RAB3IP: variants seen among roughly 807,000 people sequenced by gnomAD.
RAB3IP encodes rab-3A-interacting protein.
In RAB3IP, 36 loss-of-function variants were observed where a neutral mutation model predicts 59.1. The ratio of observed to expected loss-of-function variants is 0.61; its 90% CI spans 0.47 to 0.80. The LOEUF (loss-of-function observed/expected upper bound fraction) is 0.80, where lower values mean the gene tolerates loss of function less well. Among genes scored for constraint, RAB3IP ranks in the 30% least tolerant of loss-of-function variants. The pLI is 0.00. For synonymous variants in RAB3IP, 207 were observed against 191.2 expected, an observed-to-expected ratio of 1.08 and a Z score of -0.68; for missense variants, 511 against 536.0, an observed-to-expected ratio of 0.95 and a Z score of 0.46.
intron 1 of RAB3IP, among the ~76,000 whole-genome samples, chr12:69,750,170 T>C (rs1321582670): frequency 1.3e-5 from 2 of 152,178 alleles, no homozygotes; most frequent in Non-Finnish European, 2.9e-5. Flanking sequence ...ATAGATGCGC[T>C]ATGCTTAATA....
intron 3 of RAB3IP, among the ~76,000 whole-genome samples, chr12:69,761,872 CTG>C (rs771228076): frequency 1.3e-4 from 20 of 152,158 alleles, no homozygotes; most frequent in Admixed American, 9.2e-4. Flanking sequence ...AGGCAGTTCT[CTG>C]TGAAATAATT....
At chr12:69,740,010 C>T (rs1887149569) in intron 1 of RAB3IP, 6 of 738,884 alleles carry the variant, frequency 8.1e-6, no homozygotes, top group Non-Finnish European at 1.4e-5. Context: ...CGTTCAGTGT[C>T]GGGTTAAAAG....
Position 69,800,288 on chromosome 12 carries a change from A to C in RAB3IP, c.968A>C (p.Lys323Thr). The C allele has an allele frequency of 6.3e-7, 1 of 1,597,742 alleles. No homozygotes were observed. Among genetic ancestry groups the C allele is most frequent in the East Asian group, 2.3e-5 (1 of 44,246 alleles). ...TMDRTCPFLD[K>T]IYQEDIFPCL... Reference sequence around the variant, plus strand: ...GACAGGACGTGTCCTTTCTTAGACAAAATCTACCAGGAAGATATCTTTCCA... The same window carrying C: ...GACAGGACGTGTCCTTTCTTAGACACAATCTACCAGGAAGATATCTTTCCA... Residue 323 changes from lysine to threonine, a missense_variant, in exon 7 of 11, where the codon AAA becomes ACA. Physicochemically the swap from Lys to Thr is moderately conservative, Grantham distance 78. Transcript: ENST00000247833.
chr12:69,805,496 C>T (rs984306249), intron 8 of RAB3IP, among the ~76,000 whole-genome samples: 3 of 152,102 alleles, frequency 2.0e-5, no homozygotes, highest in Non-Finnish European at 4.4e-5. Flanking sequence ...ATTCCCTTCT[C>T]CTGCCTGATT....
At chr12:69,751,691 G>T (rs55967505) in intron 1 of RAB3IP, among the ~76,000 whole-genome samples, 35 of 152,060 alleles carry the variant, frequency 2.3e-4, no homozygotes, top group African/African-American at 8.0e-4. Context: ...AAAATAGGTT[G>T]TGACTTTTTT....
chr12:69,756,676 A>T lies in RAB3IP; in HGVS notation c.510+13A>T, dbSNP rs776843108. On this transcript the variant is annotated intron_variant, in intron 3 of 10. Coordinates refer to ENST00000247833, the MANE Select transcript of RAB3IP (RefSeq NM_022456.5). ...AAAAGCTCAGAGGGTAAGAAAGAAGATATTTTATTCTTCCATATATTATAT... is the reference window on the plus strand; with the variant it reads ...AAAAGCTCAGAGGGTAAGAAAGAAGTTATTTTATTCTTCCATATATTATAT... 4.4e-6 allele frequency: 7 copies of T among 1,602,158 alleles called. No homozygotes were observed. The highest frequency in any genetic ancestry group is 1.1e-5 in the South Asian group (1 of 89,420).
At chr12:69,780,621 G>T (rs1799939997) in intron 3 of RAB3IP, among the ~76,000 whole-genome samples, 1 of 152,202 alleles carries the variant, frequency 6.6e-6, no homozygotes, top group Non-Finnish European at 1.5e-5. Flanking sequence ...TCATTCCTGG[G>T]TTGTGGGATA....
chr12:69,791,678 A>C (rs942717780), intron 4 of RAB3IP, among the ~76,000 whole-genome samples: 7 of 152,224 alleles, frequency 4.6e-5, no homozygotes, highest in Non-Finnish European at 7.3e-5. Context: ...AATGTTGGCA[A>C]GGATGTGGAG....
rs1305113787 is a variant in RAB3IP, at chr12:69,815,650, TC to T, written c.*206del. On this transcript the variant is annotated 3_prime_UTR_variant, in exon 11 of 11. Transcript: ENST00000247833. The stretch of plus-strand genomic sequence containing the variant: ...TTTAGTTGAACACACTATGAAGAAT[TC>T]CAGGTGTACTAGTGAATGTAATTTA... 1 of 372,422 alleles carries T rather than the reference TC, an allele frequency of 2.7e-6. No individual in the cohort carries two copies. Among genetic ancestry groups the T allele is most frequent in the African/African-American group, 2.1e-5 (1 of 47,536 alleles). The allele number at this position is 372,422 out of a possible 1,614,324, so 23.1% of individuals were successfully genotyped here.
intron 1 of RAB3IP, among the ~76,000 whole-genome samples, chr12:69,751,757 T>C (rs1450589495): frequency 1.3e-5 from 2 of 152,158 alleles, no homozygotes. Context: ...TATGTTGTTA[T>C]GTTTTAAAAT....
rs1876827390 is a variant in RAB3IP at position 69,792,686 on chromosome 12, G to C, written c.607-1751G>C. Among the ~76,000 whole-genome samples the C allele has an allele frequency of 6.6e-5, 10 of 152,118 alleles. No homozygotes were observed. The South Asian group carries it at 2.1e-3, about 31-fold the overall frequency. On this transcript the variant is annotated intron_variant, in intron 4 of 10. Transcript: ENST00000247833. ...TAGCAACTGATCCTGCCCCAGTCTA[G>C]TGCTCATCTTTCCTTTTGGGGCTCC... is the stretch of plus-strand genomic sequence containing the variant.
At position 69,752,842 on chromosome 12, in the gene RAB3IP, A is replaced by G. The variant is rs190463870; in HGVS notation, c.-25-2542A>G. On this transcript the variant is annotated intron_variant, in intron 1 of 10. Coordinates refer to ENST00000247833, the MANE Select transcript of RAB3IP (RefSeq NM_022456.5). The stretch of plus-strand genomic sequence containing the variant: ...TGGTTAGTGTACTTGCCTGAACTAT[A>G]TTCAAGTGAAAATGAATTATGTACT... Among the ~76,000 whole-genome samples the G allele has an allele frequency of 2.9e-4, 44 of 152,352 alleles. No individual in the cohort carries two copies. In the East Asian group the frequency reaches 4.0e-3, roughly 14 times the overall value.
intron 3 of RAB3IP, among the ~76,000 whole-genome samples, chr12:69,758,925 C>G (rs1390065903): frequency 6.6e-6 from 1 of 151,624 alleles, no homozygotes; most frequent in Non-Finnish European, 1.5e-5. Flanking sequence ...GAGAAGCCAG[C>G]TGTCAATGTA....
intron 3 of RAB3IP, among the ~76,000 whole-genome samples, chr12:69,780,338 A>G (rs185205202): frequency 7.2e-5 from 11 of 152,316 alleles, no homozygotes; most frequent in African/African-American, 2.6e-4. Flanking sequence ...GCCTACATCC[A>G]TGCTTCCCAG....
At chr12:69,786,592 G>C (rs755790164) in intron 4 of RAB3IP, among the ~76,000 whole-genome samples, 6 of 152,052 alleles carry the variant, frequency 3.9e-5, no homozygotes, top group Non-Finnish European at 5.9e-5. Flanking sequence ...TAGTGATATG[G>C]ATATTAGGTA....
intron 3 of RAB3IP, among the ~76,000 whole-genome samples, chr12:69,783,814 G>T (rs1310194700): frequency 4.6e-5 from 7 of 152,090 alleles, no homozygotes; most frequent in Non-Finnish European, 1.0e-4. Flanking sequence ...CATGCATTGT[G>T]AGCAGTTTAT....
chr12:69,802,358 T>G (rs1878532015), intron 8 of RAB3IP, among the ~76,000 whole-genome samples: 1 of 152,132 alleles, frequency 6.6e-6, no homozygotes. Context: ...ATAATCAGTT[T>G]TGTCTTTCAT....
rs1881128232 is a variant in RAB3IP at position 69,816,240 on chromosome 12, A to G, written c.*794A>G. 6.6e-6 allele frequency: 1 copy of G among 152,228 alleles called. No homozygotes were observed. Among genetic ancestry groups the G allele is most frequent in the Non-Finnish European group, 1.5e-5 (1 of 68,026 alleles). 9.4% of individuals were successfully genotyped at this position (152,228 alleles called of 1,614,324 possible). Reference sequence around the variant, plus strand: ...CGAAGTATATGCTGATTATAGAACCACTTGATCTCTGCATTCCAAATTGTA... The same window carrying G: ...CGAAGTATATGCTGATTATAGAACCGCTTGATCTCTGCATTCCAAATTGTA... On this transcript the variant is annotated 3_prime_UTR_variant, in exon 11 of 11. Transcript: ENST00000247833.
chr12:69,773,063 G>A (rs1873411480), intron 3 of RAB3IP, among the ~76,000 whole-genome samples: 1 of 152,132 alleles, frequency 6.6e-6, no homozygotes, highest in East Asian at 1.9e-4. Flanking sequence ...GCTGGGTACA[G>A]TATTCTTGGT....
Sources: gnomAD v4.1 joint callset for allele counts (sites outside exome capture counted in the v4.1 genomes callset) on GRCh38, gnomAD v4.1.1 for gene constraint, MANE v1.5 for transcripts, NCBI Gene and HGNC (gene_info 2026-07-23, HGNC 2026-07-21) for gene names.